Variants in CCNT1 observed in about 807,000 individuals in gnomAD.
CCNT1 encodes the protein cyclin T1.
A neutral mutation model predicts 67.3 loss-of-function variants in CCNT1; 18 were observed. The ratio of observed to expected loss-of-function variants is 0.27; its 90% CI spans 0.18 to 0.40. CCNT1 has a LOEUF of 0.40. CCNT1 is among the 10% of genes least tolerant of loss of function. CCNT1 has a pLI of 1.00. For missense variants in CCNT1, 744 were observed against 884.9 expected (o/e 0.84, Z 2.02); for synonymous variants, 333 against 310.3 (o/e 1.07, Z -0.77).
chr12:48,713,827 A>C (rs1039763482), intron 2 of CCNT1, among the ~76,000 whole-genome samples: 1 of 152,106 alleles, frequency 6.6e-6, no homozygotes, highest in African/African-American at 2.4e-5. Flanking sequence ...CCTAAATTCC[A>C]CATGATTTCC....
Position 48,693,195 on chromosome 12 carries a change from A to C in CCNT1, c.2019T>G (p.Val673=). ...MLHSLLSAQG[V]QPTQPTAFEF... ...CAAATGCAGTGGGCTGAGTGGGCTGAACACCCTGGGCACTGAGCAGGGAGT... is the reference window on the plus strand; with the variant it reads ...CAAATGCAGTGGGCTGAGTGGGCTGCACACCCTGGGCACTGAGCAGGGAGT... The change falls in exon 9 of 9, where the codon GTT becomes GTG. Residue 673 remains valine, a synonymous_variant. Transcript: ENST00000261900. 1 of 1,614,182 alleles carries C rather than the reference A, an allele frequency of 6.2e-7. No individual in the cohort carries two copies. The highest frequency in any genetic ancestry group is 8.5e-7 in the Non-Finnish European group (1 of 1,180,032).
Position 48,716,679 on chromosome 12 carries a change from G to T in CCNT1, c.-4C>A. 1.9e-6 allele frequency: 3 copies of T among 1,611,934 alleles called. No homozygotes were observed. The South Asian group carries it at 3.3e-5, about 18-fold the overall frequency. ...TGTTCTTCCTCTCTCCCTCCATAGT[G>T]CTTCAACCAGAAGGCAGCGGCGAAG... On this transcript the variant is annotated 5_prime_UTR_variant, in exon 1 of 9. Coordinates refer to ENST00000261900, the MANE Select transcript of CCNT1 (RefSeq NM_001240.4).
At position 48,693,505 on chromosome 12, in the gene CCNT1, G is replaced by C. The variant is rs772107541; in HGVS notation, c.1709C>G (p.Ser570Cys). ...TTCAGAGGGTCCCCTTTTACGAGTA[G>C]AACTGGAAGAGGAAAAAGAACTAGA... Reference protein sequence around the residue: ...SLSSSFSSSSSTRKRGPSEET... With the variant: ...SLSSSFSSSSCTRKRGPSEET... The change falls in exon 9 of 9, where the codon TCT (serine) becomes TGT (cysteine). Residue 570 changes from serine (S) to cysteine (C), a missense_variant. Physicochemically the swap from Ser to Cys is moderately radical, Grantham distance 112. Coordinates refer to ENST00000261900, the MANE Select transcript of CCNT1 (RefSeq NM_001240.4). The C allele has an allele frequency of 6.2e-7, 1 of 1,614,098 alleles. No individual in the cohort carries two copies. Among genetic ancestry groups the C allele is most frequent in the Non-Finnish European group, 8.5e-7 (1 of 1,180,008 alleles).
chr12:48,703,926 C>CA lies in CCNT1; in HGVS notation c.372+1841dup, dbSNP rs57899892. On this transcript the variant is annotated intron_variant, in intron 3 of 8. Transcript: ENST00000261900. Reference sequence around the variant, plus strand: ...GGGCAACAGAATGAGACCCTGTCTCCAAAAAAAAAAAAAAGAATATTTTTC... The same window carrying CA: ...GGGCAACAGAATGAGACCCTGTCTCCAAAAAAAAAAAAAAAGAATATTTTTC... Among the ~76,000 whole-genome samples the CA allele has an allele frequency of 6.5e-3, 643 of 98,570 alleles. 5 individuals are homozygous for CA. Among genetic ancestry groups the CA allele is most frequent in the African/African-American group, 0.016 (424 of 25,938 alleles). 64.7% of individuals were successfully genotyped at this position (98,570 alleles called of 152,430 possible). A position where few individuals can be genotyped will look rare whatever the true frequency, so the allele number is the denominator to read the frequency against.
intron 2 of CCNT1, among the ~76,000 whole-genome samples, chr12:48,709,933 C>CA (rs1158611082): frequency 6.6e-5 from 10 of 151,420 alleles, no homozygotes; most frequent in Admixed American, 4.0e-4. Flanking sequence ...CTCTGTCACC[C>CA]AAGCTGGAGT....
In CCNT1 at chr12:48,699,649, A is replaced by G. The variant is rs1169043197; in HGVS notation, c.496+129T>C. 15 of 566,678 alleles carry G rather than the reference A, an allele frequency of 2.6e-5. No homozygotes were observed. In the East Asian group the frequency reaches 4.3e-4, roughly 16 times the overall value. The allele number at this position is 566,678 out of a possible 1,614,324, so 35.1% of individuals were successfully genotyped here. On this transcript the variant is annotated intron_variant, in intron 5 of 8. Coordinates refer to ENST00000261900, the MANE Select transcript of CCNT1 (RefSeq NM_001240.4). ...GAAAAACATCAAGTCAGAACAACTC[A>G]TTTTGATTTAAGCCAAGTAGGCCTT... is the stretch of plus-strand genomic sequence containing the variant.
Position 48,692,623 on chromosome 12 carries a change from T to G in CCNT1, c.*410A>C, listed in dbSNP as rs1940094012. On this transcript the variant is annotated 3_prime_UTR_variant, in exon 9 of 9. Transcript: ENST00000261900. The stretch of plus-strand genomic sequence containing the variant: ...AAATTATTAAGTCTATTAAAAGATT[T>G]GACGTTTAAATACTTCCTCTCTTCT... 1 of 161,534 alleles carries G rather than the reference T, an allele frequency of 6.2e-6. No homozygotes were observed. Among genetic ancestry groups the G allele is most frequent in the African/African-American group, 2.4e-5 (1 of 41,698 alleles). 10.0% of individuals were successfully genotyped at this position (161,534 alleles called of 1,614,324 possible).
chr12:48,716,395 A>T, intron 1 of CCNT1, 120 bp downstream of exon 1: 1 of 918,672 alleles, frequency 1.1e-6, no homozygotes, highest in Non-Finnish European at 1.6e-6. Flanking sequence ...TCTCCCAACT[A>T]GACATCCAGC....
intron 2 of CCNT1, among the ~76,000 whole-genome samples, chr12:48,712,136 A>G (rs1349355254): frequency 6.6e-6 from 1 of 152,122 alleles, no homozygotes; most frequent in East Asian, 1.9e-4. Context: ...TTTCCTGTGC[A>G]GTTACTCCCA....
chr12:48,709,470 A>G (rs1555159147), intron 2 of CCNT1, among the ~76,000 whole-genome samples: 1 of 152,236 alleles, frequency 6.6e-6, no homozygotes, highest in Non-Finnish European at 1.5e-5. Flanking sequence ...AGTGCACTAT[A>G]TATGTACAAG....
chr12:48,695,735 C>T (rs1475196225), intron 8 of CCNT1, 24 bp downstream of exon 8: 3 of 1,541,508 alleles, frequency 1.9e-6, no homozygotes, highest in Admixed American at 1.7e-5. Flanking sequence ...TTTTGTTCCA[C>T]AAGCTGACAG....
Position 48,692,999 on chromosome 12 carries a change from A to C in CCNT1, c.*34T>G. 7.3e-7 allele frequency: 1 copy of C among 1,366,772 alleles called. No homozygotes were observed. Among genetic ancestry groups the C allele is most frequent in the Non-Finnish European group, 9.9e-7 (1 of 1,013,262 alleles). The allele number at this position is 1,366,772 out of a possible 1,614,324, so 84.7% of individuals were successfully genotyped here. ...AAAAAGAAAAATTATGTGTTTTTTTAAAGAAGTTTTTTTCTCCTCTTCTTT... is the reference window on the plus strand; with the variant it reads ...AAAAAGAAAAATTATGTGTTTTTTTCAAGAAGTTTTTTTCTCCTCTTCTTT... On this transcript the variant is annotated 3_prime_UTR_variant, in exon 9 of 9. Coordinates refer to ENST00000261900, the MANE Select transcript of CCNT1 (RefSeq NM_001240.4).
intron 6 of CCNT1, among the ~76,000 whole-genome samples, chr12:48,697,522 T>A (rs1940188910): frequency 1.7e-5 from 2 of 116,826 alleles, no homozygotes; most frequent in African/African-American, 3.4e-5. Flanking sequence ...GACTCTGTCT[T>A]AAAAAAAAAA....
intron 2 of CCNT1, among the ~76,000 whole-genome samples, chr12:48,710,934 G>C (rs189077403): frequency 0.015 from 2,255 of 152,112 alleles, 52 homozygotes; most frequent in African/African-American, 0.052. Flanking sequence ...GGTGGCAGGC[G>C]CCTGTAATCC....
Position 48,690,012 on chromosome 12 carries a change from GCTCT to G in CCNT1, c.*3017_*3020del, listed in dbSNP as rs1940047888. Reference sequence around the variant, plus strand: ...AAAAAGGAAGAAAAAAGAAGTTGAGGCTCTCTGATATGGACATACACTGATTCAT... The same window carrying G: ...AAAAAGGAAGAAAAAAGAAGTTGAGGCTGATATGGACATACACTGATTCAT... On this transcript the variant is annotated 3_prime_UTR_variant, in exon 9 of 9. Coordinates refer to ENST00000261900, the MANE Select transcript of CCNT1 (RefSeq NM_001240.4). The G allele has an allele frequency of 6.6e-6, 1 of 152,138 alleles. No homozygotes were observed. Among genetic ancestry groups the G allele is most frequent in the African/African-American group, 2.4e-5 (1 of 41,432 alleles). 9.4% of individuals were successfully genotyped at this position (152,138 alleles called of 1,614,324 possible). A position where few individuals can be genotyped will look rare whatever the true frequency, so the allele number is the denominator to read the frequency against.
chr12:48,701,815 A>G (rs1940274399), intron 3 of CCNT1, among the ~76,000 whole-genome samples: 1 of 151,998 alleles, frequency 6.6e-6, no homozygotes. Flanking sequence ...CATGTTGGTC[A>G]GGCTGGTCTC....
intron 1 of CCNT1, among the ~76,000 whole-genome samples, chr12:48,716,227 G>C (rs1428981897): frequency 2.0e-5 from 3 of 152,250 alleles, no homozygotes; most frequent in African/African-American, 7.2e-5. Flanking sequence ...GAGCAGATCA[G>C]AACACAATGA....
chr12:48,705,307 TC>T (rs1940339012), intron 3 of CCNT1, among the ~76,000 whole-genome samples: 2 of 150,058 alleles, frequency 1.3e-5, no homozygotes, highest in Admixed American at 6.6e-5. Flanking sequence ...TTGTTGTTTT[TC>T]TTTTTTTGTA....
intron 2 of CCNT1, among the ~76,000 whole-genome samples, chr12:48,711,458 G>A (rs1409121596): frequency 6.6e-6 from 1 of 151,968 alleles, no homozygotes; most frequent in African/African-American, 2.4e-5. Flanking sequence ...CATGAAGAGT[G>A]GACAAACTGA....
Sources: allele counts gnomAD v4.1 joint callset (sites outside exome capture counted in the v4.1 genomes callset), GRCh38; gene constraint gnomAD v4.1.1; transcripts MANE v1.5; gene names NCBI Gene and HGNC (gene_info 2026-07-23, HGNC 2026-07-21).